The following AGBL4 variants were observed in gnomAD, a reference collection of about 807,000 sequenced individuals.
AGBL4 encodes cytosolic carboxypeptidase 6.
In AGBL4, 58 loss-of-function variants were observed where a neutral mutation model predicts 66.4. The observed-to-expected ratio is 0.87, with a 90% CI of 0.71 to 1.09. The LOEUF (loss-of-function observed/expected upper bound fraction) is 1.09. AGBL4 is among the 50% of genes least tolerant of loss of function. The pLI is 0.00. For missense variants in AGBL4, 579 were observed against 631.0 expected (o/e 0.92, Z 0.88); for synonymous variants, 234 against 222.9 (o/e 1.05, Z -0.44).
At chr1:49,350,642 A>G (rs1160794761) in intron 3 of AGBL4, among the ~76,000 whole-genome samples, 1 of 152,230 alleles carries the variant, frequency 6.6e-6, no homozygotes, top group Non-Finnish European at 1.5e-5. Context: ...TGGGGGAACA[A>G]GAGGTGTTTG....
intron 3 of AGBL4, among the ~76,000 whole-genome samples, chr1:49,397,011 C>T (rs1383081292): frequency 2.6e-5 from 4 of 152,060 alleles, no homozygotes; most frequent in Non-Finnish European, 1.5e-5. Context: ...AACCTAGATC[C>T]CTCGCATGCA....
chr1:49,322,565 A>G (rs1194818456), intron 3 of AGBL4, among the ~76,000 whole-genome samples: 3 of 152,224 alleles, frequency 2.0e-5, no homozygotes, highest in Non-Finnish European at 4.4e-5. Flanking sequence ...TGGGCTCTAA[A>G]TCCAATGTGT....
intron 4 of AGBL4, among the ~76,000 whole-genome samples, chr1:49,081,590 C>G (rs955372433): frequency 1.3e-5 from 2 of 152,198 alleles, no homozygotes; most frequent in African/African-American, 2.4e-5. Context: ...TCTTTTACAT[C>G]ATCTCTCACT....
intron 1 of AGBL4, 125 bp from the exon 2 acceptor site, chr1:49,851,643 C>G (rs1646308876): frequency 1.1e-6 from 1 of 920,950 alleles, no homozygotes; most frequent in African/African-American, 1.7e-5. Context: ...AAGTTAACAC[C>G]ACATTGTGGT....
intron 6 of AGBL4, among the ~76,000 whole-genome samples, chr1:48,777,820 C>T (rs1314107616): frequency 6.6e-6 from 1 of 152,070 alleles, no homozygotes; most frequent in Non-Finnish European, 1.5e-5. Context: ...AACACAGGCC[C>T]AAGGCTAGGG....
intron 3 of AGBL4, among the ~76,000 whole-genome samples, chr1:49,302,028 G>T (rs750284180): frequency 4.1e-4 from 62 of 152,116 alleles, no homozygotes; most frequent in Admixed American, 3.7e-3. Context: ...TTAGTGATTG[G>T]TTTTTTCTGT....
intron 5 of AGBL4, among the ~76,000 whole-genome samples, chr1:48,942,584 G>C (rs1482727018): frequency 6.6e-6 from 1 of 152,146 alleles, no homozygotes; most frequent in Non-Finnish European, 1.5e-5. Flanking sequence ...ATATTCCTAA[G>C]TCTTCCACTT....
intron 1 of AGBL4, among the ~76,000 whole-genome samples, chr1:49,875,114 A>C (rs1480796181): frequency 6.8e-6 from 1 of 146,956 alleles, no homozygotes; most frequent in Non-Finnish European, 1.5e-5. Context: ...ACTAAGAATG[A>C]TGATTTCCAA....
chr1:48,664,607 T>A (rs948553676), intron 6 of AGBL4, among the ~76,000 whole-genome samples: 5 of 152,224 alleles, frequency 3.3e-5, no homozygotes, highest in African/African-American at 1.2e-4. Context: ...CAATGTATAA[T>A]TTGCAATATC....
chr1:48,889,989 C>CGTGTGTGT lies in AGBL4; in HGVS notation c.595-22767_595-22760dup, dbSNP rs10557498. ...AACACTCAAGATCACAGCCTGCTTG[C>CGTGTGTGT]GTGTGTGTGTGTGTGTGTGTGTGTG... is the stretch of plus-strand genomic sequence containing the variant. On this transcript the variant is annotated intron_variant, in intron 5 of 13. Transcript: ENST00000371839. Among the ~76,000 whole-genome samples the CGTGTGTGT allele has an allele frequency of 1.3e-3, 186 of 148,734 alleles. 3 individuals are homozygous for CGTGTGTGT. The highest frequency in any genetic ancestry group is 8.2e-3 in the South Asian group (38 of 4,634).
At chr1:48,950,494 A>G (rs1428221893) in intron 5 of AGBL4, among the ~76,000 whole-genome samples, 2 of 152,252 alleles carry the variant, frequency 1.3e-5, no homozygotes, top group African/African-American at 4.8e-5. Context: ...TTTAAGCACT[A>G]TAAACTTCCT....
In AGBL4 at chr1:49,795,204, A is replaced by C. The variant is rs947105381; in HGVS notation, c.157+56192T>G. Among the ~76,000 whole-genome samples the C allele has an allele frequency of 1.1e-4, 16 of 152,000 alleles. No homozygotes were observed. In the South Asian group the frequency reaches 2.3e-3, roughly 22 times the overall value. Reference sequence around the variant, plus strand: ...TAAGCATTCAGCTGATATTTAAAAAAAAAATAGAAGTACCATTCTAAAGTA... The same window carrying C: ...TAAGCATTCAGCTGATATTTAAAAACAAAATAGAAGTACCATTCTAAAGTA... On this transcript the variant is annotated intron_variant, in intron 2 of 13. Coordinates refer to ENST00000371839, the MANE Select transcript of AGBL4 (RefSeq NM_032785.4).
intron 3 of AGBL4, among the ~76,000 whole-genome samples, chr1:49,687,643 A>G (rs1646811758): frequency 6.6e-6 from 1 of 151,804 alleles, no homozygotes; most frequent in Non-Finnish European, 1.5e-5. Flanking sequence ...ATGGTGGTGC[A>G]CTCCTGTAGT....
chr1:49,367,429 A>G (rs1261827928), intron 3 of AGBL4, among the ~76,000 whole-genome samples: 1 of 152,148 alleles, frequency 6.6e-6, no homozygotes, highest in Non-Finnish European at 1.5e-5. Context: ...CATAAGTGTA[A>G]GCTTCCTGAG....
At chr1:49,949,899 A>G (rs1298881008) in intron 1 of AGBL4, among the ~76,000 whole-genome samples, 3 of 150,804 alleles carry the variant, frequency 2.0e-5, no homozygotes, top group Non-Finnish European at 4.4e-5. Flanking sequence ...AGATACTTGC[A>G]TATGCATGTT....
chr1:49,579,622 C>T (rs1400333636), intron 3 of AGBL4, among the ~76,000 whole-genome samples: 3 of 152,118 alleles, frequency 2.0e-5, no homozygotes, highest in Non-Finnish European at 4.4e-5. Flanking sequence ...GCCTCAGCCT[C>T]CCGAGTAGCT....
chr1:49,664,039 AAACTT>A (rs1646318167), intron 3 of AGBL4, among the ~76,000 whole-genome samples: 3 of 152,070 alleles, frequency 2.0e-5, no homozygotes, highest in South Asian at 2.1e-4. Context: ...TAATTGAAGA[AAACTT>A]AGAGAGGAGT....
intron 3 of AGBL4, among the ~76,000 whole-genome samples, chr1:49,424,593 G>A (rs887961987): frequency 6.6e-6 from 1 of 152,106 alleles, no homozygotes; most frequent in Non-Finnish European, 1.5e-5. Context: ...TTTATACAAC[G>A]AAATGTGTGA....
chr1:49,261,062 T>C (rs1483089033), intron 3 of AGBL4, among the ~76,000 whole-genome samples: 5 of 152,012 alleles, frequency 3.3e-5, no homozygotes, highest in Non-Finnish European at 5.9e-5. Flanking sequence ...AAAAACCACA[T>C]GATTATCTCA....
Sources: allele counts gnomAD v4.1 joint callset (sites outside exome capture counted in the v4.1 genomes callset), GRCh38; gene constraint gnomAD v4.1.1; transcripts MANE v1.5; gene names NCBI Gene and HGNC (gene_info 2026-07-23, HGNC 2026-07-21).